Variants in TMEM135 observed in about 807,000 individuals in gnomAD.
The protein encoded by TMEM135 is transmembrane protein 135.
A neutral mutation model predicts 60.3 loss-of-function variants in TMEM135; 30 were observed. The ratio of observed to expected loss-of-function variants is 0.50; its 90% confidence interval spans 0.37 to 0.68. The LOEUF (loss-of-function observed/expected upper bound fraction) is 0.68, where lower values mean the gene tolerates loss of function less well. Ranked by LOEUF, TMEM135 falls within the 30% of genes least tolerant of loss-of-function variation. The pLI is 0.00. For synonymous variants in TMEM135, 190 were observed against 186.7 expected, an observed-to-expected ratio of 1.02 and a Z score of -0.14; for missense variants, 468 against 548.8, an observed-to-expected ratio of 0.85 and a Z score of 1.47.
chr11:87,071,460 A>G (rs1263476343), intron 2 of TMEM135, 63 bp from the exon 3 acceptor site: 1 of 1,247,382 alleles, frequency 8.0e-7, no homozygotes, highest in Non-Finnish European at 1.2e-6. Flanking sequence ...GGAAACTTCT[A>G]TTCATAATAA....
At chr11:87,274,991 TAAC>T (rs1214730357) in intron 6 of TMEM135, among the ~76,000 whole-genome samples, 1 of 151,630 alleles carries the variant, frequency 6.6e-6, no homozygotes, top group East Asian at 1.9e-4. Context: ...AAATAAATTT[TAAC>T]TTCTTTTTTT....
chr11:87,070,372 C>T (rs1027386844), intron 2 of TMEM135, among the ~76,000 whole-genome samples: 5 of 151,828 alleles, frequency 3.3e-5, no homozygotes, highest in South Asian at 2.1e-4. Context: ...AAAAAACCTG[C>T]GTTGGCTCAC....
In TMEM135 at chr11:87,157,372, C is replaced by G. The variant is rs770852558; in HGVS notation, c.428C>G (p.Ala143Gly). 1.2e-6 allele frequency: 2 copies of G among 1,612,090 alleles called. No homozygotes were observed. The highest frequency in any genetic ancestry group is 8.5e-7 in the Non-Finnish European group (1 of 1,179,374). The stretch of plus-strand genomic sequence containing the variant: ...GAAACACTATTCAGAATGGGTGTAG[C>G]AAGAGGAACCATCACAACATTAAGA... Reference protein sequence around the residue: ...ATETLFRMGVARGTITTLRNG... With the variant: ...ATETLFRMGVGRGTITTLRNG... Residue 143 changes from alanine (A) to glycine (G), a missense_variant, in exon 5 of 15, where the codon GCA becomes GGA. By Grantham distance (60) the Ala-to-Gly change is moderately conservative. Transcript: ENST00000305494.
At chr11:87,229,980 G>C (rs1940856622) in intron 5 of TMEM135, among the ~76,000 whole-genome samples, 1 of 152,004 alleles carries the variant, frequency 6.6e-6, no homozygotes, top group Non-Finnish European at 1.5e-5. Context: ...TAATATATCA[G>C]TTTCGTGGGT....
chr11:87,153,308 A>G (rs78406654), intron 4 of TMEM135, among the ~76,000 whole-genome samples: 3 of 152,148 alleles, frequency 2.0e-5, no homozygotes, highest in Non-Finnish European at 4.4e-5. Flanking sequence ...TTTGTACTCA[A>G]ACATGCCAAG....
chr11:87,116,995 G>A (rs1857904210), intron 4 of TMEM135, among the ~76,000 whole-genome samples: 1 of 151,900 alleles, frequency 6.6e-6, no homozygotes, highest in South Asian at 2.1e-4. Flanking sequence ...GCTAATTTTT[G>A]TATTTATGGT....
chr11:87,248,720 A>G (rs966429934), intron 6 of TMEM135, among the ~76,000 whole-genome samples: 3 of 152,132 alleles, frequency 2.0e-5, no homozygotes, highest in Non-Finnish European at 2.9e-5. Flanking sequence ...GGACATTTTG[A>G]CAATACTGAT....
chr11:87,219,063 A>C (rs1400416425), intron 5 of TMEM135, among the ~76,000 whole-genome samples: 4 of 152,196 alleles, frequency 2.6e-5, no homozygotes, highest in Non-Finnish European at 5.9e-5. Context: ...TATCTATTCA[A>C]AATTATTTAA....
At chr11:87,189,130 T>TTTTCCTTTCCCTTTCCTTTCCCTTTCCC (rs1939727572) in intron 5 of TMEM135, among the ~76,000 whole-genome samples, 4 of 136,594 alleles carry the variant, frequency 2.9e-5, no homozygotes, top group Non-Finnish European at 4.8e-5. Flanking sequence ...TCCCTTTCCC[T>TTTTCCTTTCCCTTTCCTTTCCCTTTCCC]TTTCCTTTCC....
At chr11:87,095,578 T>C (rs924610667) in intron 4 of TMEM135, 6 of 204,946 alleles carry the variant, frequency 2.9e-5, no homozygotes, top group Non-Finnish European at 5.2e-5. Context: ...TCTGCATGAA[T>C]CTCAGATGGC....
At chr11:87,178,409 T>C in intron 5 of TMEM135, 2 of 456,172 alleles carry the variant, frequency 4.4e-6, no homozygotes, top group South Asian at 3.1e-5. Context: ...ATATGCCCTT[T>C]TGAGTCTGCC....
chr11:87,250,537 G>A (rs889384921), intron 6 of TMEM135, among the ~76,000 whole-genome samples: 1 of 151,556 alleles, frequency 6.6e-6, no homozygotes, highest in Middle Eastern at 3.4e-3. Flanking sequence ...TTTTTCATTG[G>A]TCACTCAGGA....
chr11:87,205,729 T>C (rs1056551330), intron 5 of TMEM135, among the ~76,000 whole-genome samples: 1 of 152,186 alleles, frequency 6.6e-6, no homozygotes, highest in African/African-American at 2.4e-5. Flanking sequence ...TCGTAATATT[T>C]TTTCAAACCT....
At position 87,314,421 on chromosome 11, in the gene TMEM135, CAAAT is replaced by C. The variant is rs368014056; in HGVS notation, c.1001-44_1001-41del. 4.9e-5 allele frequency: 73 copies of C among 1,480,364 alleles called. 1 individual carries two copies. In the East Asian group the frequency reaches 1.2e-3, roughly 25 times the overall value. 91.7% of individuals were successfully genotyped at this position (1,480,364 alleles called of 1,614,324 possible). ...ATTAACATTTCTGATGACATAATAACAAATAAATACTCTGCGATCTTATCAGTTA... is the reference window on the plus strand; with the variant it reads ...ATTAACATTTCTGATGACATAATAACAAATACTCTGCGATCTTATCAGTTA... On this transcript the variant is annotated intron_variant, in intron 11 of 14. Coordinates refer to ENST00000305494, the MANE Select transcript of TMEM135 (RefSeq NM_022918.4).
Position 87,090,292 on chromosome 11 carries a change from G to T in TMEM135, c.363-1070G>T, listed in dbSNP as rs138845924. On this transcript the variant is annotated intron_variant, in intron 3 of 14. Transcript: ENST00000305494. ...CCCTCAAATGTTCCCTAATTTTAAT[G>T]ACAAAATTACAGAGTCCCAGAGTAC... is the stretch of plus-strand genomic sequence containing the variant. 5.7e-3 allele frequency among the ~76,000 whole-genome samples: 873 copies of T among 152,078 alleles called. 14 individuals are homozygous for T. The highest frequency in any genetic ancestry group is 0.02 in the African/African-American group (833 of 41,488).
chr11:87,075,781 G>A (rs969586545), intron 3 of TMEM135, among the ~76,000 whole-genome samples: 2 of 152,226 alleles, frequency 1.3e-5, no homozygotes, highest in African/African-American at 2.4e-5. Context: ...TTGCTGACGT[G>A]TAGAGGTACG....
At chr11:87,153,677 A>G (rs1384022168) in intron 4 of TMEM135, among the ~76,000 whole-genome samples, 3 of 152,100 alleles carry the variant, frequency 2.0e-5, no homozygotes, top group Admixed American at 1.3e-4. Flanking sequence ...ATTTGCTTCC[A>G]CTTTCCCCTA....
In TMEM135 at chr11:87,306,838, C is replaced by T. The variant is rs114470392; in HGVS notation, c.768+833C>T. On this transcript the variant is annotated intron_variant, in intron 9 of 14. Coordinates refer to ENST00000305494, the MANE Select transcript of TMEM135 (RefSeq NM_022918.4). The stretch of plus-strand genomic sequence containing the variant: ...GGTTCAAGCACTTCTCCCATCTCAT[C>T]CTCCTGAGTAGCTGGGATGATTGCA... Among the ~76,000 whole-genome samples the T allele has an allele frequency of 5.7e-3, 868 of 152,184 alleles. 10 individuals carry two copies. Among genetic ancestry groups the T allele is most frequent in the African/African-American group, 0.02 (839 of 41,526 alleles).
chr11:87,119,139 C>T (rs11234972), intron 4 of TMEM135, among the ~76,000 whole-genome samples: 17,963 of 152,172 alleles, frequency 0.12, 1,355 homozygotes, highest in African/African-American at 0.2. Context: ...ATGCTTTCCT[C>T]ACTAAGCTTA....
Sources: gnomAD v4.1 joint callset for allele counts (sites outside exome capture counted in the v4.1 genomes callset) on GRCh38, gnomAD v4.1.1 for gene constraint, MANE v1.5 for transcripts, NCBI Gene and HGNC (gene_info 2026-07-23, HGNC 2026-07-21) for gene names.